Variants in ARL17B observed in about 807,000 individuals in gnomAD.
ARL17B encodes ADP-ribosylation factor-like protein 17.
At position 46,324,906 on chromosome 17, in the gene ARL17B, T is replaced by A. The variant is rs1335875496; in HGVS notation, c.260-25241A>T. The stretch of plus-strand genomic sequence containing the variant: ...TATGTATGCCTGCAGGGCCCTATTG[T>A]GAGTTTGTTACACAATTTACTGCAA... On this transcript the variant is annotated intron_variant, in intron 3 of 4. Coordinates refer to the ARL17B transcript ENST00000434041. 1.0e-4 allele frequency among the ~76,000 whole-genome samples: 8 copies of A among 76,716 alleles called. 1 individual carries two copies. Among genetic ancestry groups the A allele is most frequent in the African/African-American group, 2.7e-4 (8 of 29,802 alleles). The allele number at this position is 76,716 out of a possible 152,430, so 50.3% of individuals were successfully genotyped here.
intron 4 of ARL17B, among the ~76,000 whole-genome samples, chr17:46,287,115 C>A (rs541891089): frequency 4.6e-5 from 7 of 151,610 alleles, no homozygotes; most frequent in Non-Finnish European, 1.0e-4. Context: ...CCATTCTACC[C>A]CTGGCAAACT....
chr17:46,304,535 G>C lies in ARL17B; in HGVS notation c.260-4870C>G, dbSNP rs1447518133. On this transcript the variant is annotated intron_variant, in intron 3 of 4. Transcript: ENST00000434041. ...TTATATGATGACTGTGTGCAGGATA[G>C]TTTAGGTAGGGAGAGACTGGAGATG... 2.7e-5 allele frequency among the ~76,000 whole-genome samples: 2 copies of C among 75,180 alleles called. 1 individual carries two copies. The highest frequency in any genetic ancestry group is 2.8e-4 in the Admixed American group (2 of 7,050). The allele number at this position is 75,180 out of a possible 152,430, so 49.3% of individuals were successfully genotyped here.
chr17:46,340,660 A>G (rs2052494692), intron 3 of ARL17B, among the ~76,000 whole-genome samples: 1 of 73,718 alleles, frequency 1.4e-5, no homozygotes, highest in African/African-American at 4.3e-5. Flanking sequence ...CTCCTGCCTC[A>G]GCCTCCCGAA....
intron 4 of ARL17B, among the ~76,000 whole-genome samples, chr17:46,278,536 T>C (rs1305421768): frequency 1.3e-5 from 2 of 151,850 alleles, no homozygotes; most frequent in Non-Finnish European, 2.9e-5. Flanking sequence ...CCTGAGTAGC[T>C]GGGATTACAG....
intron 3 of ARL17B, chr17:46,302,828 GT>G (rs2143592629): frequency 4.2e-6 from 1 of 240,294 alleles, no homozygotes; most frequent in African/African-American, 2.7e-5. Flanking sequence ...AATTCTGTAA[GT>G]TTGTATAGGG....
intron 3 of ARL17B, among the ~76,000 whole-genome samples, chr17:46,315,987 A>G (rs1354028647): frequency 1.9e-5 from 1 of 53,752 alleles, no homozygotes; most frequent in East Asian, 3.8e-4. Flanking sequence ...GCAGTGGCAC[A>G]ATCTTTACTC....
chr17:46,275,630 G>A (rs980911738), intron 4 of ARL17B, among the ~76,000 whole-genome samples: 3 of 152,154 alleles, frequency 2.0e-5, no homozygotes, highest in African/African-American at 4.8e-5. Context: ...ACTGGAAAAA[G>A]CCAATATTTA....
downstream of ARL17B, chr17:46,331,264 GAA>G: frequency 1.0e-6 from 1 of 985,248 alleles, no homozygotes. Context: ...AGGTCAGAAA[GAA>G]AAGTTATCTG....
At chr17:46,286,049 C>A (rs1168810347) in intron 4 of ARL17B, among the ~76,000 whole-genome samples, 1 of 152,214 alleles carries the variant, frequency 6.6e-6, no homozygotes, top group South Asian at 2.1e-4. Flanking sequence ...CAATGCAGCA[C>A]CCATGGTACC....
At chr17:46,285,344 G>T (rs1350457115) in intron 4 of ARL17B, among the ~76,000 whole-genome samples, 1 of 151,122 alleles carries the variant, frequency 6.6e-6, no homozygotes, top group Non-Finnish European at 1.5e-5. Flanking sequence ...GTGTTCAAGC[G>T]ATTCTCCTGC....
intron 4 of ARL17B, among the ~76,000 whole-genome samples, chr17:46,291,914 T>C (rs539191618): frequency 6.7e-6 from 1 of 148,486 alleles, no homozygotes; most frequent in South Asian, 2.1e-4. Flanking sequence ...TGGGGTGTGA[T>C]TGCACCGCTG....
intron 4 of ARL17B, among the ~76,000 whole-genome samples, chr17:46,285,558 A>G (rs2049885298): frequency 6.6e-6 from 1 of 152,168 alleles, no homozygotes; most frequent in Non-Finnish European, 1.5e-5. Flanking sequence ...TGTCTTTCAT[A>G]AGGAAAATAA....
At chr17:46,287,840 G>C (rs2049960340) in intron 4 of ARL17B, among the ~76,000 whole-genome samples, 1 of 152,250 alleles carries the variant, frequency 6.6e-6, no homozygotes, top group African/African-American at 2.4e-5. Context: ...TGTGATTGTG[G>C]AGTGCACAGT....
Position 46,316,587 on chromosome 17 carries a change from C to A in ARL17B, c.260-16922G>T, listed in dbSNP as rs527269202. On this transcript the variant is annotated intron_variant, in intron 3 of 4. Transcript: ENST00000434041. ...GGTAGCTGAGACTACAGGCATGCAC[C>A]ACCATGCCCAGTTTTTTTTGTTTTT... Among the ~76,000 whole-genome samples the A allele has an allele frequency of 8.7e-4, 61 of 69,986 alleles. 17 individuals are homozygous for A. In the Middle Eastern group the frequency reaches 0.044, roughly 51 times the overall value. 45.9% of individuals were successfully genotyped at this position (69,986 alleles called of 152,430 possible). A position where few individuals can be genotyped will look rare whatever the true frequency, so the allele number is the denominator to read the frequency against.
rs1192906274 is a variant in ARL17B at position 46,292,143 on chromosome 17, C to T, written c.*21+7383G>A. Among the ~76,000 whole-genome samples, 3 of 129,876 alleles carry T rather than the reference C, an allele frequency of 2.3e-5. No homozygotes were observed. In the Admixed American group the frequency reaches 2.4e-4, roughly 10 times the overall value. The allele number at this position is 129,876 out of a possible 152,430, so 85.2% of individuals were successfully genotyped here. A position where few individuals can be genotyped will look rare whatever the true frequency, so the allele number is the denominator to read the frequency against. On this transcript the variant is annotated intron_variant, in intron 4 of 4. Coordinates refer to the ARL17B transcript ENST00000570618. ...GGTCAGGAGTTCAAGACCAGCTTGG[C>T]TAACATGGTGAAACCCCGTCTCTAC...
At chr17:46,284,783 G>C (rs1265707207) in intron 4 of ARL17B, among the ~76,000 whole-genome samples, 1 of 152,248 alleles carries the variant, frequency 6.6e-6, no homozygotes, top group African/African-American at 2.4e-5. Flanking sequence ...CACACATTGA[G>C]ACTACGATTC....
chr17:46,327,239 C>A (rs923877707), intron 3 of ARL17B, among the ~76,000 whole-genome samples: 2 of 71,358 alleles, frequency 2.8e-5, no homozygotes, highest in Admixed American at 3.0e-4. Context: ...GCCTGTAATA[C>A]TAAGTTTGAT....
chr17:46,274,188 T>C (rs548212300), downstream of ARL17B, among the ~76,000 whole-genome samples: 138 of 152,354 alleles, frequency 9.1e-4, no homozygotes, highest in Non-Finnish European at 1.7e-3. Flanking sequence ...GACACCTCTG[T>C]CTGTGGGAGA....
chr17:46,277,515 T>C (rs1306400591), intron 4 of ARL17B, among the ~76,000 whole-genome samples: 8 of 152,242 alleles, frequency 5.3e-5, no homozygotes, highest in East Asian at 1.9e-4. Context: ...TCAAAAAGCA[T>C]AGAGGGGCTT....
Sources: allele counts gnomAD v4.1 joint callset (sites outside exome capture counted in the v4.1 genomes callset), GRCh38; gene constraint gnomAD v4.1.1; transcripts MANE v1.5; gene names NCBI Gene and HGNC (gene_info 2026-07-23, HGNC 2026-07-21).